PCDH15: variants seen among roughly 807,000 people sequenced by gnomAD.
The protein encoded by PCDH15 is protocadherin-15.
Under a neutral mutation model 178.5 loss-of-function variants are expected in PCDH15, and 129 were observed. The ratio of observed to expected loss-of-function variants is 0.72; its 90% CI spans 0.63 to 0.84. The LOEUF is 0.84. PCDH15 is among the 40% of genes least tolerant of loss of function. PCDH15 has a pLI of 0.00. For missense variants in PCDH15, 2,230 were observed against 2,099.9 expected (o/e 1.06, Z -1.21); for synonymous variants, 800 against 732.0 (o/e 1.09, Z -1.50).
intron 2 of PCDH15, among the ~76,000 whole-genome samples, chr10:55,600,980 C>G (rs1843064260): frequency 1.3e-5 from 2 of 152,072 alleles, no homozygotes; most frequent in African/African-American, 2.4e-5. Flanking sequence ...TCCCACCTCA[C>G]TTGAGGTCTG....
chr10:53,935,094 C>T (rs2085451295), intron 25 of PCDH15, among the ~76,000 whole-genome samples: 1 of 151,832 alleles, frequency 6.6e-6, no homozygotes, highest in African/African-American at 2.4e-5. Context: ...TTTGGAAATT[C>T]AGAAATAAGA....
At chr10:54,149,063 C>T (rs1413680086) in intron 14 of PCDH15, among the ~76,000 whole-genome samples, 1 of 151,960 alleles carries the variant, frequency 6.6e-6, no homozygotes, top group Non-Finnish European at 1.5e-5. Flanking sequence ...TATCTATAAA[C>T]AAGAAGCTAT....
rs187957028 is a variant in PCDH15, at chr10:55,193,484, T to A, written c.-155-26833A>T. Among the ~76,000 whole-genome samples, 37 of 152,128 alleles carry A rather than the reference T, an allele frequency of 2.4e-4. No individual in the cohort carries two copies. In the East Asian group the frequency reaches 7.1e-3, roughly 29 times the overall value. ...TATTAATCAAAATGCTTTACATTGA[T>A]TTAAAACAAGATAATGCATTTATAA... On this transcript the variant is annotated intron_variant, in intron 1 of 5. Transcript: ENST00000458638.
chr10:54,107,676 T>C (rs144122797), intron 15 of PCDH15, among the ~76,000 whole-genome samples: 2 of 152,146 alleles, frequency 1.3e-5, no homozygotes, highest in Non-Finnish European at 2.9e-5. Flanking sequence ...AGCAGCAGTG[T>C]AATTTGGGGT....
chr10:55,394,442 C>A (rs1254060384), intron 2 of PCDH15, among the ~76,000 whole-genome samples: 1 of 151,580 alleles, frequency 6.6e-6, no homozygotes, highest in Non-Finnish European at 1.5e-5. Flanking sequence ...GCAATAAGAA[C>A]AAAACAAAAG....
intron 3 of PCDH15, among the ~76,000 whole-genome samples, chr10:54,435,677 A>G (rs753279352): frequency 3.7e-4 from 56 of 152,174 alleles, no homozygotes; most frequent in Admixed American, 9.8e-4. Context: ...AATATTAGAA[A>G]TAGGTTCAGC....
chr10:55,000,622 T>C (rs538762622), intron 2 of PCDH15, among the ~76,000 whole-genome samples: 105 of 152,254 alleles, frequency 6.9e-4, no homozygotes, highest in Non-Finnish European at 1.2e-3. Flanking sequence ...AGGGTATTGA[T>C]TGGGGAAGTG....
At chr10:54,516,438 T>C (rs1476864370) in intron 3 of PCDH15, among the ~76,000 whole-genome samples, 2 of 151,746 alleles carry the variant, frequency 1.3e-5, no homozygotes, top group Admixed American at 1.3e-4. Flanking sequence ...GCCGATGAGA[T>C]CAACTGGAAG....
At chr10:53,963,076 C>T (rs1465974413) in intron 21 of PCDH15, among the ~76,000 whole-genome samples, 1 of 152,176 alleles carries the variant, frequency 6.6e-6, no homozygotes, top group Non-Finnish European at 1.5e-5. Flanking sequence ...CATTACCCCC[C>T]ACAGGGTGTT....
intron 1 of PCDH15, among the ~76,000 whole-genome samples, chr10:54,709,500 G>T (rs1160105880): frequency 2.0e-5 from 3 of 149,698 alleles, no homozygotes; most frequent in Non-Finnish European, 4.4e-5. Flanking sequence ...TACTTCCATT[G>T]TTGTTGTGAG....
At chr10:54,853,332 TATAC>T (rs1953672853) in intron 3 of PCDH15, among the ~76,000 whole-genome samples, 1 of 97,190 alleles carries the variant, frequency 1.0e-5, no homozygotes, top group African/African-American at 4.5e-5. Flanking sequence ...TACACACACA[TATAC>T]ATATATATAC....
At chr10:54,912,088 T>G (rs1591778625) in intron 2 of PCDH15, among the ~76,000 whole-genome samples, 2 of 152,248 alleles carry the variant, frequency 1.3e-5, no homozygotes, top group South Asian at 2.1e-4. Context: ...TCTTACATTT[T>G]TATTCTAGAC....
At chr10:54,932,526 A>G (rs1002411053) in intron 2 of PCDH15, among the ~76,000 whole-genome samples, 4 of 152,178 alleles carry the variant, frequency 2.6e-5, no homozygotes, top group South Asian at 2.1e-4. Flanking sequence ...AGGCAATTTT[A>G]TAAGTTTAGT....
chr10:53,938,847 A>C lies in PCDH15; in HGVS notation c.3341T>G (p.Val1114Gly), dbSNP rs563855694. 3.7e-5 allele frequency: 59 copies of C among 1,613,618 alleles called. 1 individual carries two copies. The South Asian group carries it at 5.8e-4, about 16-fold the overall frequency. Residue 1114 changes from valine (V) to glycine (G), a missense_variant, in exon 25 of 38, where the codon GTG (valine) becomes GGG (glycine). Transcript: ENST00000644397. The part of the protein sequence containing the change: ...VLRVQADSLE[V>G]VLANLRVPSK... Reference sequence around the variant, plus strand: ...AGGAACTCGGAGATTGGCAAGGACCACTTCCAGGGAATCAGCTTGGACTCG... The same window carrying C: ...AGGAACTCGGAGATTGGCAAGGACCCCTTCCAGGGAATCAGCTTGGACTCG...
intron 2 of PCDH15, among the ~76,000 whole-genome samples, chr10:54,663,011 A>G (rs1179871454): frequency 6.6e-6 from 1 of 152,050 alleles, no homozygotes; most frequent in African/African-American, 2.4e-5. Context: ...AGTAAACACC[A>G]TGCTAACTAG....
At chr10:54,306,101 C>G (rs74516276) in intron 8 of PCDH15, among the ~76,000 whole-genome samples, 2,592 of 151,708 alleles carry the variant, frequency 0.017, 68 homozygotes, top group African/African-American at 0.052. Flanking sequence ...AGATTTCGGG[C>G]AAACCTGGTA....
At chr10:55,565,783 A>G (rs953759390) in intron 2 of PCDH15, among the ~76,000 whole-genome samples, 1 of 151,686 alleles carries the variant, frequency 6.6e-6, no homozygotes, top group East Asian at 1.9e-4. Context: ...ACCAACACTA[A>G]ATAATGATAA....
At chr10:54,407,067 TGAAA>T (rs1312894541) in intron 3 of PCDH15, among the ~76,000 whole-genome samples, 1 of 152,086 alleles carries the variant, frequency 6.6e-6, no homozygotes, top group East Asian at 1.9e-4. Context: ...ACAAAACACT[TGAAA>T]GAAACTTCCT....
At chr10:54,268,002 G>A (rs574686202) in intron 8 of PCDH15, among the ~76,000 whole-genome samples, 3 of 151,694 alleles carry the variant, frequency 2.0e-5, no homozygotes, top group Admixed American at 1.3e-4. Context: ...CACAGACAGG[G>A]GCAACACATT....
Sources: allele counts gnomAD v4.1 joint callset (sites outside exome capture counted in the v4.1 genomes callset), GRCh38; gene constraint gnomAD v4.1.1; transcripts MANE v1.5; gene names NCBI Gene and HGNC (gene_info 2026-07-23, HGNC 2026-07-21).